Variants in GRIK2 observed in about 807,000 individuals in gnomAD.
GRIK2 encodes glutamate ionotropic receptor kainate type subunit 2.
Under a neutral mutation model 100.3 loss-of-function variants are expected in GRIK2, and 32 were observed. The ratio of observed to expected loss-of-function variants is 0.32; its 90% CI spans 0.24 to 0.43. The LOEUF is 0.43. Ranked by LOEUF, GRIK2 falls within the 20% of genes least tolerant of loss-of-function variation. GRIK2 has a pLI of 1.00. For missense variants in GRIK2, 843 were observed against 1,114.9 expected, an observed-to-expected ratio of 0.76 and a Z score of 3.47; for synonymous variants, 417 against 389.4, an observed-to-expected ratio of 1.07 and a Z score of -0.83.
chr6:101,500,688 C>G (rs1356105454), intron 2 of GRIK2, among the ~76,000 whole-genome samples: 1 of 152,002 alleles, frequency 6.6e-6, no homozygotes, highest in Non-Finnish European at 1.5e-5. Context: ...ATAAAAGCAA[C>G]TATATAAGAC....
At chr6:101,884,300 C>T (rs890381130) in intron 11 of GRIK2, among the ~76,000 whole-genome samples, 1 of 152,062 alleles carries the variant, frequency 6.6e-6, no homozygotes, top group African/African-American at 2.4e-5. Flanking sequence ...TTATTTTACC[C>T]ATTTTATTAA....
chr6:101,400,436 A>G (rs1021698680), intron 2 of GRIK2, among the ~76,000 whole-genome samples: 3 of 152,198 alleles, frequency 2.0e-5, no homozygotes, highest in Admixed American at 2.0e-4. Context: ...CCTAAAGCAG[A>G]TAAGAGGAAG....
intron 7 of GRIK2, among the ~76,000 whole-genome samples, chr6:101,759,579 G>A (rs1465820830): frequency 6.6e-6 from 1 of 152,014 alleles, no homozygotes; most frequent in East Asian, 1.9e-4. Context: ...GTTTACCAGG[G>A]GACATATGGC....
chr6:101,741,379 A>G (rs891518824), intron 7 of GRIK2, among the ~76,000 whole-genome samples: 13 of 152,188 alleles, frequency 8.5e-5, no homozygotes, highest in Admixed American at 2.0e-4. Flanking sequence ...CTTTTCCTCT[A>G]TGATCTTAGG....
intron 7 of GRIK2, among the ~76,000 whole-genome samples, chr6:101,779,584 G>A (rs1199566562): frequency 6.6e-6 from 1 of 152,148 alleles, no homozygotes; most frequent in Non-Finnish European, 1.5e-5. Context: ...CTAGTCTGAA[G>A]TAAGCTCTGA....
intron 15 of GRIK2, among the ~76,000 whole-genome samples, chr6:102,045,712 A>G (rs1376644456): frequency 6.6e-6 from 1 of 152,140 alleles, no homozygotes; most frequent in Non-Finnish European, 1.5e-5. Context: ...AGATCTTAAC[A>G]GACACCTCAT....
chr6:101,673,214 T>G (rs974421614), intron 4 of GRIK2, among the ~76,000 whole-genome samples: 1 of 152,154 alleles, frequency 6.6e-6, no homozygotes, highest in Admixed American at 6.5e-5. Context: ...GAAAAGACAC[T>G]TCCAAAAGAA....
At chr6:101,546,969 TAC>T (rs942543978) in intron 2 of GRIK2, among the ~76,000 whole-genome samples, 12 of 149,534 alleles carry the variant, frequency 8.0e-5, no homozygotes, top group Middle Eastern at 3.4e-3. Context: ...TAGCTGGGAC[TAC>T]AGGCGCCCGC....
At chr6:101,727,834 T>C (rs1583031310) in intron 7 of GRIK2, among the ~76,000 whole-genome samples, 1 of 152,200 alleles carries the variant, frequency 6.6e-6, no homozygotes, top group East Asian at 1.9e-4. Context: ...ACATAGCCTA[T>C]ATATAATTGA....
intron 12 of GRIK2, chr6:101,890,201 C>A: frequency 5.7e-6 from 1 of 175,486 alleles, no homozygotes; most frequent in Non-Finnish European, 1.2e-5. Flanking sequence ...ACATGTTTTA[C>A]TAACTTGAGT....
chr6:101,652,168 G>A (rs1781829052), intron 4 of GRIK2, among the ~76,000 whole-genome samples: 1 of 152,162 alleles, frequency 6.6e-6, no homozygotes, highest in Admixed American at 6.6e-5. Flanking sequence ...CAGTCCACCA[G>A]ATGTTTGTGT....
intron 9 of GRIK2, among the ~76,000 whole-genome samples, chr6:101,811,716 G>A (rs887933134): frequency 6.6e-6 from 1 of 151,808 alleles, no homozygotes; most frequent in Admixed American, 6.6e-5. Flanking sequence ...AAGAAAAGAT[G>A]CTACTTTCAG....
At chr6:101,837,187 C>T (rs892058678) in intron 10 of GRIK2, among the ~76,000 whole-genome samples, 3 of 152,110 alleles carry the variant, frequency 2.0e-5, no homozygotes, top group Admixed American at 6.5e-5. Context: ...TTGTTTTAAA[C>T]ATTGATGTCC....
At chr6:101,859,558 T>C in intron 11 of GRIK2, 65 bp downstream of exon 11, 1 of 896,030 alleles carries the variant, frequency 1.1e-6, no homozygotes, top group Non-Finnish European at 1.8e-6. Flanking sequence ...CTTTTGTTGA[T>C]GTATATGAAA....
At chr6:101,981,029 A>C (rs1192819643) in intron 14 of GRIK2, among the ~76,000 whole-genome samples, 1 of 151,284 alleles carries the variant, frequency 6.6e-6, no homozygotes, top group Non-Finnish European at 1.5e-5. Context: ...AATTCCACTT[A>C]ATCTGTTATG....
chr6:101,854,372 G>C (rs1784309100), intron 10 of GRIK2, among the ~76,000 whole-genome samples: 1 of 152,084 alleles, frequency 6.6e-6, no homozygotes, highest in Non-Finnish European at 1.5e-5. Context: ...AGCTTCTTCT[G>C]CCTCAGTGTC....
rs148120955 is a variant in GRIK2, at chr6:101,490,620, C to A, written c.115+91228C>A. ...GTATTGTCTTGAAGAGAGGCATTAACGTAAGATAAATGTTGATAAAAGGTA... is the reference window on the plus strand; with the variant it reads ...GTATTGTCTTGAAGAGAGGCATTAAAGTAAGATAAATGTTGATAAAAGGTA... On this transcript the variant is annotated intron_variant, in intron 2 of 16. Transcript: ENST00000369134. Among the ~76,000 whole-genome samples, 97 of 146,744 alleles carry A rather than the reference C, an allele frequency of 6.6e-4. 5 individuals are homozygous for A. In the East Asian group the frequency reaches 0.019, roughly 28 times the overall value.
At chr6:101,401,986 C>T (rs567821385) in intron 2 of GRIK2, among the ~76,000 whole-genome samples, 1 of 152,210 alleles carries the variant, frequency 6.6e-6, no homozygotes, top group South Asian at 2.1e-4. Context: ...ATGGCAACGG[C>T]GGAGCCCGCC....
At chr6:101,752,027 TC>T (rs1776820373) in intron 7 of GRIK2, among the ~76,000 whole-genome samples, 1 of 152,198 alleles carries the variant, frequency 6.6e-6, no homozygotes, top group East Asian at 1.9e-4. Context: ...CTATTTAGTT[TC>T]CCATTCATAC....
Sources: allele counts gnomAD v4.1 joint callset (sites outside exome capture counted in the v4.1 genomes callset), GRCh38; gene constraint gnomAD v4.1.1; transcripts MANE v1.5; gene names NCBI Gene and HGNC (gene_info 2026-07-23, HGNC 2026-07-21).